CSMD3: variants seen among roughly 807,000 people sequenced by gnomAD.
The protein encoded by CSMD3 is CUB and Sushi multiple domains 3, also known as CUB and sushi domain-containing protein 3.
CSMD3 carries 177 observed loss-of-function variants against 435.2 expected under a neutral mutation model. The ratio of observed to expected loss-of-function variants is 0.41; its 90% CI spans 0.36 to 0.46. The LOEUF (loss-of-function observed/expected upper bound fraction) is 0.46. CSMD3 is among the 20% of genes least tolerant of loss of function. The pLI, the probability that CSMD3 is intolerant of heterozygous loss-of-function variation, is 0.34. For missense variants in CSMD3, 4,265 were observed against 4,504.6 expected (o/e 0.95, Z 1.52); for synonymous variants, 1,656 against 1,520.5 (o/e 1.09, Z -2.07).
chr8:113,368,394 C>T (rs1052819232), intron 1 of CSMD3, among the ~76,000 whole-genome samples: 4 of 152,088 alleles, frequency 2.6e-5, no homozygotes, highest in Non-Finnish European at 5.9e-5. Context: ...GGTCTTCAGT[C>T]CCCAGAACTT....
chr8:112,404,330 C>A (rs1363018059), intron 35 of CSMD3, among the ~76,000 whole-genome samples: 2 of 151,916 alleles, frequency 1.3e-5, no homozygotes, highest in Non-Finnish European at 2.9e-5. Context: ...GAGTTCAAGA[C>A]CAGCCTGACC....
intron 12 of CSMD3, among the ~76,000 whole-genome samples, chr8:112,811,808 A>G (rs905921421): frequency 6.6e-6 from 1 of 151,966 alleles, no homozygotes; most frequent in Non-Finnish European, 1.5e-5. Flanking sequence ...TTTTAATTAT[A>G]TTTTCTCAAT....
At chr8:113,183,629 G>A (rs1017829) in intron 3 of CSMD3, among the ~76,000 whole-genome samples, 101,567 of 151,696 alleles carry the variant, frequency 0.67, 35,500 homozygotes, top group East Asian at 0.95. Context: ...TCTCCAACCC[G>A]TAAGTCCCCA....
chr8:112,771,914 T>C (rs913967306), intron 13 of CSMD3, among the ~76,000 whole-genome samples: 110 of 152,062 alleles, frequency 7.2e-4, no homozygotes, highest in African/African-American at 2.3e-3. Flanking sequence ...AAAACAATTT[T>C]CCCCCTGAAA....
chr8:112,287,159 C>T lies in CSMD3; in HGVS notation c.9236G>A (p.Arg3079His), dbSNP rs780986269. The T allele has an allele frequency of 1.1e-5, 17 of 1,613,558 alleles. No individual in the cohort carries two copies. The Middle Eastern group carries it at 8.2e-4, about 78-fold the overall frequency. The change falls in exon 58 of 71, where the codon CGT (arginine) becomes CAT (histidine). Residue 3079 changes from arginine to histidine, a missense_variant. Arg to His is a conservative substitution (Grantham distance 29, BLOSUM62 0). Coordinates refer to ENST00000297405, the MANE Select transcript of CSMD3 (RefSeq NM_198123.2). ...ESNFRTKSTV[R>H]YACDTGYILH... ...GATGTAACCAGTATCACAAGCATAA[C>T]GTACAGTACTTTTAGTTCTGAAATT... is the stretch of plus-strand genomic sequence containing the variant.
At chr8:112,416,605 C>A (rs1366740710) in intron 32 of CSMD3, among the ~76,000 whole-genome samples, 1 of 152,046 alleles carries the variant, frequency 6.6e-6, no homozygotes, top group Non-Finnish European at 1.5e-5. Context: ...TATAGAGGTT[C>A]ACTGATTTAG....
chr8:112,791,150 C>G (rs1167583457), intron 13 of CSMD3, among the ~76,000 whole-genome samples: 4 of 151,650 alleles, frequency 2.6e-5, no homozygotes, highest in Non-Finnish European at 5.9e-5. Context: ...TGGTGAAACT[C>G]CATCTCTATA....
At chr8:112,412,830 T>A (rs1038986827) in intron 32 of CSMD3, among the ~76,000 whole-genome samples, 1 of 152,090 alleles carries the variant, frequency 6.6e-6, no homozygotes, top group Non-Finnish European at 1.5e-5. Flanking sequence ...ACAGATAGGG[T>A]CCCTGCTCTT....
At position 112,689,356 on chromosome 8, in the gene CSMD3, A is replaced by T. The variant is rs557108948; in HGVS notation, c.2155+512T>A. On this transcript the variant is annotated intron_variant, in intron 14 of 70. Coordinates refer to ENST00000297405, the MANE Select transcript of CSMD3 (RefSeq NM_198123.2). ...TAATGTATTTGAATACATTATTTTA[A>T]TCCAAGCATATTGTATATCATTAAT... Among the ~76,000 whole-genome samples, 345 of 152,086 alleles carry T rather than the reference A, an allele frequency of 2.3e-3. 1 individual carries two copies. Among genetic ancestry groups the T allele is most frequent in the Middle Eastern group, 6.8e-3 (2 of 294 alleles).
chr8:112,711,871 T>C (rs1276840374), intron 13 of CSMD3, among the ~76,000 whole-genome samples: 1 of 152,148 alleles, frequency 6.6e-6, no homozygotes, highest in Non-Finnish European at 1.5e-5. Context: ...TCAAATATAA[T>C]CCTGCCTCAG....
chr8:112,332,000 T>C (rs1824114225), intron 45 of CSMD3, among the ~76,000 whole-genome samples: 1 of 152,126 alleles, frequency 6.6e-6, no homozygotes, highest in South Asian at 2.1e-4. Flanking sequence ...AAATTACACA[T>C]TTAGTAATTC....
intron 11 of CSMD3, among the ~76,000 whole-genome samples, chr8:112,843,409 G>T (rs2080234598): frequency 6.6e-6 from 1 of 151,748 alleles, no homozygotes; most frequent in African/African-American, 2.4e-5. Context: ...TGCCACCTGG[G>T]ATAGGCAGAA....
At chr8:112,562,257 CA>C in intron 24 of CSMD3, among the ~76,000 whole-genome samples, 1 of 151,408 alleles carries the variant, frequency 6.6e-6, no homozygotes, top group Admixed American at 6.6e-5. Flanking sequence ...ACCTTACTAG[CA>C]AAACACTACC....
chr8:113,385,995 GAACCATT>G (rs1448217604), intron 1 of CSMD3, among the ~76,000 whole-genome samples: 3 of 151,912 alleles, frequency 2.0e-5, no homozygotes, highest in African/African-American at 7.2e-5. Flanking sequence ...ACATTTGTAT[GAACCATT>G]AAATATAAAG....
At chr8:112,614,564 A>G (rs1178403903) in intron 22 of CSMD3, among the ~76,000 whole-genome samples, 1 of 152,054 alleles carries the variant, frequency 6.6e-6, no homozygotes, top group Non-Finnish European at 1.5e-5. Flanking sequence ...ATATATATAC[A>G]GTAACAAACC....
chr8:112,429,777 C>A (rs540354271), intron 32 of CSMD3, among the ~76,000 whole-genome samples: 2 of 151,930 alleles, frequency 1.3e-5, no homozygotes, highest in Non-Finnish European at 2.9e-5. Context: ...TTAAAAGCAA[C>A]AAACTCATTT....
At chr8:113,045,296 A>G (rs960648669) in intron 5 of CSMD3, among the ~76,000 whole-genome samples, 8 of 149,240 alleles carry the variant, frequency 5.4e-5, no homozygotes, top group African/African-American at 9.7e-5. Context: ...TGGTTACTCA[A>G]TCATTCCTGA....
intron 5 of CSMD3, among the ~76,000 whole-genome samples, chr8:113,051,543 C>A (rs2088094233): frequency 6.6e-6 from 1 of 152,124 alleles, no homozygotes; most frequent in Non-Finnish European, 1.5e-5. Flanking sequence ...ACTCAAACTT[C>A]ACACACTAAA....
intron 13 of CSMD3, among the ~76,000 whole-genome samples, chr8:112,788,570 C>T (rs750098598): frequency 7.2e-5 from 11 of 152,066 alleles, no homozygotes; most frequent in Non-Finnish European, 1.0e-4. Flanking sequence ...TAGTATTAAT[C>T]GCACTTAAAA....
Sources: gnomAD v4.1 joint callset for allele counts (sites outside exome capture counted in the v4.1 genomes callset) on GRCh38, gnomAD v4.1.1 for gene constraint, MANE v1.5 for transcripts, NCBI Gene and HGNC (gene_info 2026-07-23, HGNC 2026-07-21) for gene names.